CENPE: variants seen among roughly 807,000 people sequenced by gnomAD.
CENPE encodes centromere-associated protein E.
CENPE carries 145 observed loss-of-function variants against 336.1 expected under a neutral mutation model. The observed-to-expected ratio is 0.43, with a 90% CI of 0.38 to 0.50. CENPE has a LOEUF of 0.50. Ranked by LOEUF, CENPE falls within the 20% of genes least tolerant of loss-of-function variation. The pLI is 0.00. For synonymous variants in CENPE, 1,013 were observed against 984.8 expected (o/e 1.03, Z -0.54); for missense variants, 2,719 against 3,023.3 (o/e 0.90, Z 2.36).
chr4:103,158,503 CA>C (rs1457233389), intron 23 of CENPE, 45 bp from the exon 24 acceptor site: 6 of 1,511,088 alleles, frequency 4.0e-6, no homozygotes, highest in Non-Finnish European at 5.3e-6. Flanking sequence ...GAATATGAAA[CA>C]AAATTATTTT....
intron 9 of CENPE, among the ~76,000 whole-genome samples, chr4:103,185,079 C>A (rs1009539355): frequency 6.6e-6 from 1 of 151,906 alleles, no homozygotes; most frequent in African/African-American, 2.4e-5. Flanking sequence ...CCGAGGTGGG[C>A]GGGTCACTTG....
In CENPE at chr4:103,120,148, C is replaced by A; in HGVS notation, c.7329G>T (p.Gln2443His). The A allele has an allele frequency of 6.3e-7, 1 of 1,585,566 alleles. No individual in the cohort carries two copies. Among genetic ancestry groups the A allele is most frequent in the East Asian group, 2.2e-5 (1 of 44,554 alleles). Residue 2443 changes from glutamine to histidine, a missense_variant and splice_region_variant, in exon 44 of 49, where the codon CAG (glutamine) becomes CAT (histidine). Gln to His is a conservative substitution (Grantham distance 24). Around this residue, in one of 5 missense-constraint regions of CENPE, gnomAD observed 2,437 missense variants for 2,513.3 expected, o/e 0.97. Coordinates refer to ENST00000265148, the MANE Select transcript of CENPE (RefSeq NM_001813.3). ...EKTKETIQVLQDKVALGAKPY... is the reference protein window; with the variant it reads ...EKTKETIQVLHDKVALGAKPY... ...ACTTTTATTTTTATGTTTAAGTTAC[C>A]TGAAGTACTTGAATTGTCTCTTTTG... is the stretch of plus-strand genomic sequence containing the variant.
At chr4:103,159,791 G>GA (rs1045551265) in intron 21 of CENPE, among the ~76,000 whole-genome samples, 8 of 150,942 alleles carry the variant, frequency 5.3e-5, no homozygotes, top group Non-Finnish European at 1.0e-4. Context: ...TATGGTCCAT[G>GA]AAAAAAATAA....
In CENPE at chr4:103,159,288, ATGT is replaced by A. The variant is rs755879425; in HGVS notation, c.2320_2322del (p.Thr774del). 1 of 1,561,310 alleles carries A rather than the reference ATGT, an allele frequency of 6.4e-7. No individual in the cohort carries two copies. Among genetic ancestry groups the A allele is most frequent in the Non-Finnish European group, 8.7e-7 (1 of 1,154,740 alleles). On this transcript the variant is annotated inframe_deletion, in exon 22 of 49. Transcript: ENST00000265148. ...TCAGAAAACAATTTATCTTTTTCTG[ATGT>A]TATTATATGGAGCTCTTCAGATTTG...
At chr4:103,136,732 C>T (rs989110171) in intron 39 of CENPE, among the ~76,000 whole-genome samples, 1 of 152,034 alleles carries the variant, frequency 6.6e-6, no homozygotes, top group African/African-American at 2.4e-5. Flanking sequence ...TGGTTGAGTG[C>T]TGGTTTATGT....
chr4:103,108,317 C>T (rs1749078305), intron 48 of CENPE, among the ~76,000 whole-genome samples: 1 of 151,330 alleles, frequency 6.6e-6, no homozygotes, highest in African/African-American at 2.4e-5. Flanking sequence ...AGGCAGGGAT[C>T]ATGTCTGGTT....
intron 2 of CENPE, 125 bp downstream of exon 2, chr4:103,196,634 A>G: frequency 3.2e-6 from 2 of 615,684 alleles, no homozygotes; most frequent in East Asian, 2.8e-5. Context: ...TTTTGTTTCC[A>G]GTGAAGCAGT....
At chr4:103,166,452 C>T (rs1042288631) in intron 16 of CENPE, among the ~76,000 whole-genome samples, 66 of 152,288 alleles carry the variant, frequency 4.3e-4, no homozygotes, top group African/African-American at 1.4e-3. Flanking sequence ...TGACATTTTG[C>T]ACTTCATTAA....
At chr4:103,164,907 A>C (rs1754774899) in intron 16 of CENPE, among the ~76,000 whole-genome samples, 1 of 152,152 alleles carries the variant, frequency 6.6e-6, no homozygotes, top group African/African-American at 2.4e-5. Context: ...AATAAGAAAG[A>C]ATCAAAAATC....
At chr4:103,155,810 T>C (rs1342894188) in intron 24 of CENPE, among the ~76,000 whole-genome samples, 1 of 152,194 alleles carries the variant, frequency 6.6e-6, no homozygotes, top group African/African-American at 2.4e-5. Flanking sequence ...TTTATAGAAG[T>C]AATATATAAA....
At chr4:103,111,714 A>G (rs1749447120) in intron 46 of CENPE, among the ~76,000 whole-genome samples, 1 of 151,878 alleles carries the variant, frequency 6.6e-6, no homozygotes, top group African/African-American at 2.4e-5. Context: ...AAATATCCTC[A>G]ACCTTCTGAA....
At chr4:103,119,249 G>T (rs1293475730) in intron 44 of CENPE, among the ~76,000 whole-genome samples, 1 of 152,062 alleles carries the variant, frequency 6.6e-6, no homozygotes, top group Non-Finnish European at 1.5e-5. Flanking sequence ...CAACTAGAAT[G>T]TAAGTTCCTT....
In CENPE at chr4:103,196,401, T is replaced by C. The variant is rs141187540; in HGVS notation, c.149-149A>G. 5.1e-3 allele frequency: 3,476 copies of C among 682,956 alleles called. 10 individuals carry two copies. The highest frequency in any genetic ancestry group is 7.1e-3 in the Non-Finnish European group (2,882 of 404,538). The allele number at this position is 682,956 out of a possible 1,614,324, so 42.3% of individuals were successfully genotyped here. ...TAAGACACAGTATTTTTTTCAACTT[T>C]TTGGTTCTCTGAAAATACCCTTCCC... On this transcript the variant is annotated intron_variant, in intron 2 of 48. Coordinates refer to ENST00000265148, the MANE Select transcript of CENPE (RefSeq NM_001813.3).
In CENPE at chr4:103,140,363, G is replaced by T; in HGVS notation, c.5806C>A (p.His1936Asn). ...LKTARMLSKE[H>N]KETVDKLREK... ...CTAAGTTTATCAACAGTTTCTTTGT[G>T]TTCTTTTGATAGCATACGAGCAGTT... Residue 1936 changes from histidine (H) to asparagine (N), a missense_variant, in exon 37 of 49, where the codon CAC becomes AAC. Physicochemically the swap from His to Asn is moderately conservative, Grantham distance 68. Coordinates refer to ENST00000265148, the MANE Select transcript of CENPE (RefSeq NM_001813.3). 1 of 1,604,854 alleles carries T rather than the reference G, an allele frequency of 6.2e-7. No homozygotes were observed. The highest frequency in any genetic ancestry group is 8.5e-7 in the Non-Finnish European group (1 of 1,175,234).
intron 1 of CENPE, 131 bp from the exon 2 acceptor site, chr4:103,196,981 C>T: frequency 1.5e-6 from 1 of 648,588 alleles, no homozygotes; most frequent in Non-Finnish European, 2.8e-6. Context: ...GAAAGTCCAT[C>T]TTTGAGGATT....
At chr4:103,137,834 G>C (rs1452786733) in intron 39 of CENPE, among the ~76,000 whole-genome samples, 2 of 152,080 alleles carry the variant, frequency 1.3e-5, no homozygotes, top group African/African-American at 4.8e-5. Context: ...ACAATTAAGA[G>C]TCATCCCTTT....
chr4:103,165,327 C>T (rs2720469), intron 16 of CENPE, among the ~76,000 whole-genome samples: 67,681 of 151,828 alleles, frequency 0.45, 15,733 homozygotes, highest in African/African-American at 0.59. Context: ...AATAGGTAGA[C>T]GGTAAAGATT....
At chr4:103,171,068 CAAT>C (rs1399529972) in intron 16 of CENPE, among the ~76,000 whole-genome samples, 1 of 151,878 alleles carries the variant, frequency 6.6e-6, no homozygotes. Context: ...GACTGCAACA[CAAT>C]AATAATAGAG....
Position 103,136,193 on chromosome 4 carries a change from G to A in CENPE, c.6470C>T (p.Thr2157Ile). Residue 2157 changes from threonine (T) to isoleucine (I), a missense_variant, in exon 40 of 49, where the codon ACT becomes ATT. By Grantham distance (89) the Thr-to-Ile change is moderately conservative. Around this residue, in one of 5 missense-constraint regions of CENPE, gnomAD observed 2,437 missense variants for 2,513.3 expected, o/e 0.97. Transcript: ENST00000265148. Reference sequence around the variant, plus strand: ...TTCCATGGAGCATCTCTGGTTTGCAGTAAAAAGTTTTTCAATGTGTTTGGT... The same window carrying A: ...TTCCATGGAGCATCTCTGGTTTGCAATAAAAAGTTTTTCAATGTGTTTGGT... The part of the protein sequence containing the change: ...LQTKHIEKLF[T>I]ANQRCSMEFH... 6.2e-7 allele frequency: 1 copy of A among 1,613,856 alleles called. No individual in the cohort carries two copies. Among genetic ancestry groups the A allele is most frequent in the South Asian group, 1.1e-5 (1 of 91,072 alleles).
Sources: gnomAD v4.1 joint callset for allele counts (sites outside exome capture counted in the v4.1 genomes callset) on GRCh38, gnomAD v4.1.1 for gene constraint, gnomAD v4.1.1 regional missense constraint, MANE v1.5 for transcripts, NCBI Gene and HGNC (gene_info 2026-07-23, HGNC 2026-07-21) for gene names.